The following DSCAM variants were observed in gnomAD, a reference collection of about 807,000 sequenced individuals.
DSCAM encodes DS cell adhesion molecule, also known as cell adhesion molecule DSCAM.
In DSCAM, 47 loss-of-function variants were observed where a neutral mutation model predicts 217.7. That is an observed-to-expected ratio of 0.22 (90% CI 0.17 to 0.28). The LOEUF (loss-of-function observed/expected upper bound fraction) is 0.28. Ranked by LOEUF, DSCAM falls within the 10% of genes least tolerant of loss-of-function variation. The pLI is 1.00. For missense variants in DSCAM, 2,080 were observed against 2,618.3 expected, an observed-to-expected ratio of 0.79 and a Z score of 4.49; for synonymous variants, 1,056 against 1,015.3, an observed-to-expected ratio of 1.04 and a Z score of -0.76.
intron 30 of DSCAM, among the ~76,000 whole-genome samples, chr21:40,051,011 C>T (rs571785188): frequency 3.3e-5 from 5 of 152,260 alleles, no homozygotes; most frequent in South Asian, 2.1e-4. Context: ...AATGTTATTT[C>T]GTAGGCAATG....
chr21:40,425,946 G>A (rs1393369767), intron 3 of DSCAM, among the ~76,000 whole-genome samples: 2 of 152,076 alleles, frequency 1.3e-5, no homozygotes, highest in African/African-American at 4.8e-5. Context: ...CTTTTGTAGG[G>A]GGCAGAATAA....
intron 2 of DSCAM, among the ~76,000 whole-genome samples, chr21:40,705,414 T>G (rs192738355): frequency 4.7e-4 from 71 of 152,146 alleles, no homozygotes; most frequent in African/African-American, 1.7e-3. Context: ...TTCGTTGTTT[T>G]TTTTCAGTTG....
chr21:40,079,079 A>G, intron 25 of DSCAM, 102 bp from the exon 26 acceptor site: 1 of 1,370,540 alleles, frequency 7.3e-7, no homozygotes, highest in South Asian at 1.4e-5. Flanking sequence ...CGAGGCCAGG[A>G]GCTCAGTCCA....
chr21:40,400,750 G>A (rs372248520), intron 3 of DSCAM, among the ~76,000 whole-genome samples: 2 of 152,110 alleles, frequency 1.3e-5, no homozygotes, highest in Non-Finnish European at 2.9e-5. Flanking sequence ...TAGTTGGAAT[G>A]GTATTTTCAT....
At chr21:40,454,636 G>A (rs1433473179) in intron 3 of DSCAM, among the ~76,000 whole-genome samples, 5 of 152,156 alleles carry the variant, frequency 3.3e-5, no homozygotes, top group Admixed American at 6.5e-5. Flanking sequence ...AGTGATTTCC[G>A]TACATGCAAA....
intron 16 of DSCAM, among the ~76,000 whole-genome samples, chr21:40,164,780 C>T (rs143810401): frequency 5.3e-5 from 8 of 151,530 alleles, no homozygotes; most frequent in East Asian, 1.9e-4. Context: ...CCAGCCTGGG[C>T]GACAGAGTGA....
intron 11 of DSCAM, among the ~76,000 whole-genome samples, chr21:40,247,693 T>C (rs1426161287): frequency 6.6e-6 from 1 of 152,186 alleles, no homozygotes; most frequent in Non-Finnish European, 1.5e-5. Flanking sequence ...TCTGTGACTT[T>C]TGTAGGCACA....
chr21:40,664,294 T>C (rs4818152), intron 3 of DSCAM, among the ~76,000 whole-genome samples: 121,433 of 152,176 alleles, frequency 0.8, 50,211 homozygotes, highest in East Asian at 0.98. Context: ...GGACTTCCAT[T>C]GTATTTTCTC....
intron 8 of DSCAM, among the ~76,000 whole-genome samples, chr21:40,322,082 T>C (rs999251322): frequency 1.3e-5 from 2 of 152,216 alleles, no homozygotes; most frequent in African/African-American, 4.8e-5. Context: ...CTAAAACACA[T>C]ACTGCATATT....
At chr21:40,307,268 C>T (rs890571008) in intron 9 of DSCAM, among the ~76,000 whole-genome samples, 3 of 151,698 alleles carry the variant, frequency 2.0e-5, no homozygotes, top group East Asian at 3.9e-4. Flanking sequence ...AAAAAGTAGG[C>T]AAAGGACATG....
intron 3 of DSCAM, among the ~76,000 whole-genome samples, chr21:40,573,212 A>C (rs917298900): frequency 6.6e-6 from 1 of 151,942 alleles, no homozygotes; most frequent in Non-Finnish European, 1.5e-5. Flanking sequence ...GTGGCGGGTG[A>C]CTGTAGTCCC....
At chr21:40,655,802 C>A (rs2090068604) in intron 3 of DSCAM, among the ~76,000 whole-genome samples, 1 of 152,094 alleles carries the variant, frequency 6.6e-6, no homozygotes, top group Non-Finnish European at 1.5e-5. Flanking sequence ...GCCTATAATC[C>A]TAGCACTTTG....
chr21:40,019,785 C>T (rs1309133001), intron 32 of DSCAM, among the ~76,000 whole-genome samples: 1 of 152,166 alleles, frequency 6.6e-6, no homozygotes, highest in Non-Finnish European at 1.5e-5. Flanking sequence ...AAGGCAAATG[C>T]CCAGTCTTAG....
intron 32 of DSCAM, among the ~76,000 whole-genome samples, chr21:40,032,046 C>G (rs1036282452): frequency 1.3e-5 from 2 of 152,178 alleles, no homozygotes; most frequent in Admixed American, 6.5e-5. Context: ...GGAATTCTCT[C>G]ATTTCCAGCC....
intron 27 of DSCAM, among the ~76,000 whole-genome samples, chr21:40,067,464 T>C (rs1199587710): frequency 1.3e-5 from 2 of 152,240 alleles, no homozygotes; most frequent in Non-Finnish European, 2.9e-5. Context: ...ACAGCTTCCC[T>C]AATTTTTTAA....
chr21:40,628,759 G>A (rs2089640776), intron 3 of DSCAM, among the ~76,000 whole-genome samples: 1 of 150,654 alleles, frequency 6.6e-6, no homozygotes, highest in South Asian at 2.1e-4. Flanking sequence ...CTTTTCTTGT[G>A]TTTTTTGAGA....
chr21:40,388,985 T>C (rs2075111012), intron 3 of DSCAM, among the ~76,000 whole-genome samples: 1 of 152,120 alleles, frequency 6.6e-6, no homozygotes, highest in Non-Finnish European at 1.5e-5. Context: ...CATTTAGAAA[T>C]GGGTGGGATA....
chr21:40,121,146 C>T (rs2090029082), intron 20 of DSCAM, among the ~76,000 whole-genome samples: 1 of 152,116 alleles, frequency 6.6e-6, no homozygotes, highest in Admixed American at 6.5e-5. Flanking sequence ...TGGTCATTCG[C>T]ACACATAGCC....
chr21:40,366,608 T>A (rs1024834125), intron 4 of DSCAM, among the ~76,000 whole-genome samples: 21 of 152,174 alleles, frequency 1.4e-4, no homozygotes, highest in Non-Finnish European at 2.5e-4. Context: ...CAAAACTTTT[T>A]TAAAAATTTT....
Sources: allele counts gnomAD v4.1 joint callset (sites outside exome capture counted in the v4.1 genomes callset), GRCh38; gene constraint gnomAD v4.1.1; transcripts MANE v1.5; gene names NCBI Gene and HGNC (gene_info 2026-07-23, HGNC 2026-07-21).